THADA: variants seen among roughly 807,000 people sequenced by gnomAD.
THADA encodes the protein tRNA (32-2'-O)-methyltransferase regulator THADA.
A neutral mutation model predicts 219.8 loss-of-function variants in THADA; 213 were observed. The ratio of observed to expected loss-of-function variants is 0.97; its 90% CI spans 0.87 to 1.09. The LOEUF (loss-of-function observed/expected upper bound fraction) is 1.09, where lower values mean the gene tolerates loss of function less well. Among genes scored for constraint, THADA ranks in the 50% least tolerant of loss-of-function variants. THADA has a pLI of 0.00. For missense variants in THADA, 2,956 were observed against 2,311.3 expected, an observed-to-expected ratio of 1.28 and a Z score of -5.72; for synonymous variants, 1,018 against 828.9, an observed-to-expected ratio of 1.23 and a Z score of -3.92.
chr2:43,441,985 A>G (rs1469213599), intron 26 of THADA, among the ~76,000 whole-genome samples: 1 of 152,230 alleles, frequency 6.6e-6, no homozygotes, highest in Non-Finnish European at 1.5e-5. Context: ...TGGAGCTTAA[A>G]ACCTGGTTAA....
At chr2:43,364,966 T>C (rs1269490545) in intron 29 of THADA, among the ~76,000 whole-genome samples, 1 of 151,920 alleles carries the variant, frequency 6.6e-6, no homozygotes, top group Non-Finnish European at 1.5e-5. Flanking sequence ...TCTTTTTTTT[T>C]TTTTTTTTGA....
chr2:43,522,374 A>T (rs1292368413), intron 22 of THADA, among the ~76,000 whole-genome samples: 1 of 152,198 alleles, frequency 6.6e-6, no homozygotes, highest in Non-Finnish European at 1.5e-5. Flanking sequence ...ACTTAGCTGC[A>T]GGCACAGGCA....
intron 20 of THADA, among the ~76,000 whole-genome samples, chr2:43,542,922 T>A (rs911032072): frequency 1.3e-5 from 2 of 152,032 alleles, no homozygotes; most frequent in Non-Finnish European, 2.9e-5. Context: ...AATGTGCAGG[T>A]TAGTTACATA....
At chr2:43,262,439 ATGGGGCCTGGGGCC>A (rs58153894) in intron 36 of THADA, among the ~76,000 whole-genome samples, 4 of 151,698 alleles carry the variant, frequency 2.6e-5, no homozygotes, top group African/African-American at 9.7e-5. Context: ...CAGAAGAAGC[ATGGGGCCTGGGGCC>A]TGGGGCCTGC....
chr2:43,412,578 C>T (rs1354118322), intron 28 of THADA, among the ~76,000 whole-genome samples: 4 of 152,164 alleles, frequency 2.6e-5, no homozygotes, highest in Non-Finnish European at 5.9e-5. Flanking sequence ...ATACAAGTCA[C>T]AGAAAAGTTC....
chr2:43,551,120 CA>C (rs1696692228), intron 19 of THADA, among the ~76,000 whole-genome samples: 1 of 152,210 alleles, frequency 6.6e-6, no homozygotes, highest in Admixed American at 6.5e-5. Context: ...CCTTAATTAT[CA>C]GCCCAAGGTA....
chr2:43,457,036 G>A (rs541107270), intron 26 of THADA, among the ~76,000 whole-genome samples: 8 of 150,662 alleles, frequency 5.3e-5, no homozygotes, highest in South Asian at 2.1e-4. Flanking sequence ...TTTTATATAC[G>A]TGTGTGTGTG....
chr2:43,427,137 G>A (rs915272209), intron 28 of THADA, among the ~76,000 whole-genome samples: 3 of 152,128 alleles, frequency 2.0e-5, no homozygotes, highest in Admixed American at 6.5e-5. Flanking sequence ...GGGAATTCAT[G>A]CCACATGGCA....
intron 28 of THADA, among the ~76,000 whole-genome samples, chr2:43,420,926 C>A (rs1302182074): frequency 1.3e-5 from 2 of 152,178 alleles, no homozygotes; most frequent in Non-Finnish European, 2.9e-5. Flanking sequence ...GTGCTAGGCA[C>A]AGTAAAAAGG....
At chr2:43,499,426 G>A (rs1688649473) in intron 24 of THADA, among the ~76,000 whole-genome samples, 1 of 152,028 alleles carries the variant, frequency 6.6e-6, no homozygotes, top group African/African-American at 2.4e-5. Context: ...GCCCAGGCTG[G>A]AACAGAATGG....
rs563886236 is a variant in THADA at position 43,456,664 on chromosome 2, G to C, written c.3837-26362C>G. Among the ~76,000 whole-genome samples, 5 of 151,954 alleles carry C rather than the reference G, an allele frequency of 3.3e-5. No homozygotes were observed. The East Asian group carries it at 9.7e-4, about 29-fold the overall frequency. On this transcript the variant is annotated intron_variant, in intron 26 of 37. Coordinates refer to ENST00000405975, the MANE Select transcript of THADA (RefSeq NM_022065.5). ...GGAATTACTTGAGAAATGAGATAAT[G>C]CATCAACAAATCACAAATCTAACTT...
At chr2:43,270,872 AT>A (rs1572856114) in intron 36 of THADA, among the ~76,000 whole-genome samples, 4 of 152,176 alleles carry the variant, frequency 2.6e-5, no homozygotes, top group Admixed American at 2.0e-4. Flanking sequence ...AAACATAAAA[AT>A]ATAAATAAAA....
chr2:43,353,149 T>C (rs2104564902), intron 29 of THADA, among the ~76,000 whole-genome samples: 1 of 152,294 alleles, frequency 6.6e-6, no homozygotes, highest in East Asian at 1.9e-4. Context: ...CATTCATCCA[T>C]TTATGGATAC....
intron 29 of THADA, among the ~76,000 whole-genome samples, chr2:43,396,227 T>C (rs1339344941): frequency 6.6e-6 from 1 of 152,196 alleles, no homozygotes; most frequent in African/African-American, 2.4e-5. Context: ...TGGGAGCCTT[T>C]ATGTTGCTCT....
chr2:43,391,832 T>C (rs2104694661), intron 29 of THADA: 1 of 152,334 alleles, frequency 6.6e-6, no homozygotes, highest in South Asian at 2.1e-4. Flanking sequence ...AAACTCTGCC[T>C]TAACCCTTCT....
chr2:43,237,629 G>C (rs1238776962), intron 36 of THADA, among the ~76,000 whole-genome samples: 2 of 151,426 alleles, frequency 1.3e-5, no homozygotes, highest in African/African-American at 4.8e-5. Context: ...TTGAACTCCT[G>C]ACCTCGTGAT....
intron 35 of THADA, among the ~76,000 whole-genome samples, chr2:43,283,371 C>G (rs1673595380): frequency 6.6e-6 from 1 of 152,170 alleles, no homozygotes; most frequent in Non-Finnish European, 1.5e-5. Context: ...AATGTGGAAG[C>G]AACTTTGGAA....
chr2:43,318,278 C>T (rs1025813906), intron 31 of THADA, among the ~76,000 whole-genome samples: 2 of 151,964 alleles, frequency 1.3e-5, no homozygotes, highest in African/African-American at 4.8e-5. Flanking sequence ...TGGCCTCAAG[C>T]AATCCTCCTG....
chr2:43,314,769 T>C (rs1167851034), intron 31 of THADA, among the ~76,000 whole-genome samples: 1 of 152,160 alleles, frequency 6.6e-6, no homozygotes, highest in Non-Finnish European at 1.5e-5. Flanking sequence ...GAAACTGATA[T>C]ATACTAACGA....
Sources: allele counts gnomAD v4.1 joint callset (sites outside exome capture counted in the v4.1 genomes callset), GRCh38; gene constraint gnomAD v4.1.1; transcripts MANE v1.5; gene names NCBI Gene and HGNC (gene_info 2026-07-23, HGNC 2026-07-21).